The following SH2D4A variants were observed in gnomAD, a reference collection of about 807,000 sequenced individuals.
SH2D4A encodes the protein SH2 domain-containing protein 4A.
In SH2D4A, 70 loss-of-function variants were observed where a neutral mutation model predicts 64.7. The observed-to-expected ratio is 1.08, with a 90% CI of 0.89 to 1.32. The LOEUF is 1.32. Ranked by LOEUF, SH2D4A falls within the 40% of genes most tolerant of loss-of-function variation. The pLI is 0.00. For missense variants in SH2D4A, 706 were observed against 540.1 expected (o/e 1.31, Z -3.04); for synonymous variants, 268 against 200.7 (o/e 1.34, Z -2.83).
intron 2 of SH2D4A, among the ~76,000 whole-genome samples, chr8:19,332,529 C>G (rs2052377935): frequency 6.6e-6 from 1 of 151,696 alleles, no homozygotes; most frequent in African/African-American, 2.4e-5. Context: ...GAAACCCTGT[C>G]TCTACTAAAA....
intron 4 of SH2D4A, among the ~76,000 whole-genome samples, chr8:19,336,335 A>G (rs1394114784): frequency 6.6e-6 from 1 of 152,198 alleles, no homozygotes; most frequent in Admixed American, 6.5e-5. Flanking sequence ...AAGGGCTACA[A>G]ATATGAGGCT....
At chr8:19,339,027 G>A (rs2052486850) in intron 4 of SH2D4A, among the ~76,000 whole-genome samples, 1 of 152,238 alleles carries the variant, frequency 6.6e-6, no homozygotes. Flanking sequence ...AACCTCAAAA[G>A]CAGGGAAGCC....
At chr8:19,376,351 G>A (rs984087880) in intron 8 of SH2D4A, among the ~76,000 whole-genome samples, 9 of 152,182 alleles carry the variant, frequency 5.9e-5, no homozygotes, top group African/African-American at 2.2e-4. Context: ...ACCAGGCACA[G>A]TGGCTCATGT....
chr8:19,316,441 G>A (rs930739235), intron 1 of SH2D4A, among the ~76,000 whole-genome samples: 3 of 152,166 alleles, frequency 2.0e-5, no homozygotes, highest in Non-Finnish European at 4.4e-5. Context: ...TTGTAGAGAC[G>A]AAGTGGATGA....
chr8:19,343,777 G>A (rs1345989387), intron 4 of SH2D4A, among the ~76,000 whole-genome samples: 1 of 152,128 alleles, frequency 6.6e-6, no homozygotes, highest in South Asian at 2.1e-4. Flanking sequence ...ATAAGATGAG[G>A]TTTTCATCTT....
Position 19,319,714 on chromosome 8 carries a change from C to G in SH2D4A, c.167C>G (p.Pro56Arg). 1.3e-6 allele frequency: 2 copies of G among 1,586,154 alleles called. No individual in the cohort carries two copies. Among genetic ancestry groups the G allele is most frequent in the Admixed American group, 3.7e-5 (2 of 53,608 alleles). Residue 56 changes from proline to arginine, a missense_variant, in exon 2 of 10, where the codon CCC becomes CGC. Transcript: ENST00000265807. ...AGAAAGGAGTCCCTGCCAGTGAAAC[C>G]CAGACCAAAGAAAGGTAAACTTATC... ...MERKESLPVK[P>R]RPKKENGKSV...
At chr8:19,373,743 C>T in intron 8 of SH2D4A, 83 bp downstream of exon 8, 2 of 1,490,048 alleles carry the variant, frequency 1.3e-6, no homozygotes. Context: ...AGAATAAAAG[C>T]TTCCATTTAT....
intron 2 of SH2D4A, among the ~76,000 whole-genome samples, chr8:19,322,330 C>T (rs1376833684): frequency 2.0e-5 from 3 of 152,152 alleles, no homozygotes; most frequent in Admixed American, 2.0e-4. Context: ...GGCTTGTGCT[C>T]CCTGCCTCCC....
At chr8:19,328,417 C>T (rs561884600) in intron 2 of SH2D4A, among the ~76,000 whole-genome samples, 2 of 152,054 alleles carry the variant, frequency 1.3e-5, no homozygotes, top group Non-Finnish European at 2.9e-5. Context: ...TCTGCCTGTC[C>T]GCTGCTGTGT....
At chr8:19,346,852 CA>C (rs2052621459) in intron 4 of SH2D4A, among the ~76,000 whole-genome samples, 1 of 152,180 alleles carries the variant, frequency 6.6e-6, no homozygotes, top group South Asian at 2.1e-4. Flanking sequence ...CCCCAACCCA[CA>C]TCCTCTGGCA....
chr8:19,334,505 G>A (rs1217606248), intron 3 of SH2D4A, among the ~76,000 whole-genome samples, 181 bp from the exon 4 acceptor site: 3 of 152,110 alleles, frequency 2.0e-5, no homozygotes, highest in Admixed American at 2.0e-4. Flanking sequence ...TCCTCACAGG[G>A]TTGTGATGAG....
intron 4 of SH2D4A, among the ~76,000 whole-genome samples, chr8:19,349,864 C>T (rs1481678851): frequency 6.6e-6 from 1 of 152,178 alleles, no homozygotes; most frequent in Admixed American, 6.5e-5. Context: ...TCACCACGCC[C>T]AGCTAACTTT....
chr8:19,393,596 C>T (rs1585221284), intron 9 of SH2D4A, 55 bp downstream of exon 9: 1 of 1,545,508 alleles, frequency 6.5e-7, no homozygotes, highest in African/African-American at 1.4e-5. Context: ...TGTAGCAGCT[C>T]TAACAATGAA....
Position 19,334,712 on chromosome 8 carries a change from A to G in SH2D4A, c.368A>G (p.Asn123Ser), listed in dbSNP as rs771002742. The stretch of plus-strand genomic sequence containing the variant: ...AAAACTCACTCTGAAGAATTCACCA[A>G]TAGCTTGAAAACAAAATCACAGTAC... ...PRKTHSEEFT[N>S]SLKTKSQYHD... Residue 123 changes from asparagine to serine, a missense_variant, in exon 4 of 10, where the codon AAT becomes AGT. By Grantham distance (46) the Asn-to-Ser change is conservative (BLOSUM62 1). Coordinates refer to ENST00000265807, the MANE Select transcript of SH2D4A (RefSeq NM_022071.4). 18 of 1,607,500 alleles carry G rather than the reference A, an allele frequency of 1.1e-5. No individual in the cohort carries two copies. Among genetic ancestry groups the G allele is most frequent in the African/African-American group, 1.1e-4 (8 of 74,610 alleles).
chr8:19,330,972 C>A (rs888090003), intron 2 of SH2D4A, among the ~76,000 whole-genome samples: 1 of 152,214 alleles, frequency 6.6e-6, no homozygotes, highest in Non-Finnish European at 1.5e-5. Flanking sequence ...CCCATTTGGG[C>A]ATGGTGGGAT....
intron 1 of SH2D4A, 81 bp from the exon 2 acceptor site, chr8:19,319,263 A>C: frequency 9.7e-7 from 1 of 1,028,500 alleles, no homozygotes; most frequent in Non-Finnish European, 1.2e-6. Flanking sequence ...GTTTCCTCCT[A>C]GCTTTTTTTT....
chr8:19,377,301 G>A (rs1437512363), intron 8 of SH2D4A, among the ~76,000 whole-genome samples: 1 of 152,220 alleles, frequency 6.6e-6, no homozygotes, highest in Admixed American at 6.5e-5. Context: ...AGAATTGCTT[G>A]AACGCAGGAG....
chr8:19,384,886 G>T (rs2053358102), intron 8 of SH2D4A, among the ~76,000 whole-genome samples: 1 of 152,154 alleles, frequency 6.6e-6, no homozygotes. Flanking sequence ...GACTGGGAGT[G>T]GGAAGATGGG....
At chr8:19,353,149 G>A (rs2052733932) in intron 4 of SH2D4A, among the ~76,000 whole-genome samples, 1 of 152,246 alleles carries the variant, frequency 6.6e-6, no homozygotes, top group African/African-American at 2.4e-5. Context: ...ATACAGGTAG[G>A]AGGGTCATTT....
Sources: allele counts gnomAD v4.1 joint callset (sites outside exome capture counted in the v4.1 genomes callset), GRCh38; gene constraint gnomAD v4.1.1; transcripts MANE v1.5; gene names NCBI Gene and HGNC (gene_info 2026-07-23, HGNC 2026-07-21).